The following TMEM161B variants were observed in gnomAD, a reference collection of about 807,000 sequenced individuals.
TMEM161B encodes transmembrane protein 161B.
In TMEM161B, 34 loss-of-function variants were observed where a neutral mutation model predicts 61.8. The ratio of observed to expected loss-of-function variants is 0.55; its 90% CI spans 0.42 to 0.73. The LOEUF is 0.73. Ranked by LOEUF, TMEM161B falls within the 30% of genes least tolerant of loss-of-function variation. The probability of loss-of-function intolerance (pLI) is 0.00; values close to 1 mark genes in which losing one functional copy is unlikely to be tolerated. For synonymous variants in TMEM161B, 167 were observed against 192.8 expected, an observed-to-expected ratio of 0.87 and a Z score of 1.11; for missense variants, 456 against 558.5, an observed-to-expected ratio of 0.82 and a Z score of 1.85.
chr5:88,260,160 G>A (rs1755508611), intron 1 of TMEM161B, among the ~76,000 whole-genome samples: 1 of 152,174 alleles, frequency 6.6e-6, no homozygotes, highest in Non-Finnish European at 1.5e-5. Context: ...TATCGTTATT[G>A]AGGAAAAGTA....
At chr5:88,236,432 GAA>G (rs1156301291) in intron 2 of TMEM161B, among the ~76,000 whole-genome samples, 2 of 152,070 alleles carry the variant, frequency 1.3e-5, no homozygotes, top group Non-Finnish European at 2.9e-5. Context: ...ACCTCTCCAA[GAA>G]AAGAGGGGCC....
chr5:88,218,953 A>G (rs1336314757), intron 5 of TMEM161B, among the ~76,000 whole-genome samples: 1 of 119,924 alleles, frequency 8.3e-6, no homozygotes, highest in Non-Finnish European at 2.0e-5. Context: ...GCAGACATAG[A>G]ATATCTTTAA....
At chr5:88,207,449 A>G (rs990470484) in intron 5 of TMEM161B, among the ~76,000 whole-genome samples, 1 of 152,208 alleles carries the variant, frequency 6.6e-6, no homozygotes, top group African/African-American at 2.4e-5. Context: ...GCCAGGGTAG[A>G]GGTTATTCTA....
At chr5:88,188,642 A>G (rs1005882577), downstream of TMEM161B, among the ~76,000 whole-genome samples, 15 of 152,202 alleles carry the variant, frequency 9.9e-5, no homozygotes, top group African/African-American at 3.6e-4. Flanking sequence ...AGCCGCAGAG[A>G]AAACTCCTCA....
chr5:88,187,168 G>A (rs1022776008), downstream of TMEM161B, among the ~76,000 whole-genome samples: 2 of 152,190 alleles, frequency 1.3e-5, no homozygotes, highest in African/African-American at 4.8e-5. Flanking sequence ...AATTAAATGA[G>A]TGTGTAAGTA....
intron 6 of TMEM161B, 133 bp downstream of exon 6, chr5:88,206,896 T>G: frequency 1.4e-6 from 1 of 721,114 alleles, no homozygotes; most frequent in Non-Finnish European, 2.1e-6. Flanking sequence ...GGTTAATTAT[T>G]TTGAACATTA....
At chr5:88,216,856 TAGTA>T (rs1252522053) in intron 5 of TMEM161B, among the ~76,000 whole-genome samples, 40 of 152,094 alleles carry the variant, frequency 2.6e-4, no homozygotes, top group Non-Finnish European at 1.6e-4. Context: ...AGACAACAAT[TAGTA>T]AGTAAGTAAA....
intron 4 of TMEM161B, among the ~76,000 whole-genome samples, chr5:88,224,971 T>G (rs552230603): frequency 2.4e-4 from 34 of 142,190 alleles, no homozygotes; most frequent in Non-Finnish European, 3.4e-4. Context: ...TTTTGTTTTT[T>G]TTTTTTTTTT....
downstream of TMEM161B, among the ~76,000 whole-genome samples, chr5:88,193,332 T>C (rs1749153486): frequency 2.0e-5 from 3 of 152,140 alleles, no homozygotes; most frequent in African/African-American, 7.2e-5. Flanking sequence ...ACTTTATATA[T>C]GCTTTGAAGC....
intron 5 of TMEM161B, among the ~76,000 whole-genome samples, chr5:88,220,264 T>C (rs978784060): frequency 6.6e-6 from 1 of 151,982 alleles, no homozygotes; most frequent in African/African-American, 2.4e-5. Flanking sequence ...ATAGTAACAT[T>C]ATCACAAAAT....
chr5:88,193,563 G>C (rs1228118274), downstream of TMEM161B, among the ~76,000 whole-genome samples: 1 of 152,050 alleles, frequency 6.6e-6, no homozygotes, highest in Non-Finnish European at 1.5e-5. Flanking sequence ...AAAATACTTG[G>C]TTTGCTCAAG....
In TMEM161B at chr5:88,245,064, T is replaced by C. The variant is rs116241498; in HGVS notation, c.4-4148A>G. Among the ~76,000 whole-genome samples the C allele has an allele frequency of 4.6e-3, 701 of 151,992 alleles. 11 individuals are homozygous for C. Among genetic ancestry groups the C allele is most frequent in the African/African-American group, 0.016 (675 of 41,522 alleles). Reference sequence around the variant, plus strand: ...CACAGACTGTGGGGTTTTCTAGATATGGAATCATGTCATTTGCAAACGGGA... The same window carrying C: ...CACAGACTGTGGGGTTTTCTAGATACGGAATCATGTCATTTGCAAACGGGA... On this transcript the variant is annotated intron_variant, in intron 1 of 11. Transcript: ENST00000296595.
chr5:88,196,398 G>A lies in TMEM161B; in HGVS notation c.1277C>T (p.Pro426Leu), dbSNP rs749551386. Residue 426 changes from proline (P) to leucine (L), a missense_variant, in exon 12 of 12, where the codon CCA (proline) becomes CTA (leucine). Physicochemically the swap from Pro to Leu is moderately conservative, Grantham distance 98. Transcript: ENST00000296595. ...TACCTTCATTTTCCCTTCAGCTGAT[G>A]GTAATTCAGAGTAAACAGAATTGGA... ...LLSNSVYSEL[P>L]SAEGKMKVTV... The A allele has an allele frequency of 1.2e-6, 2 of 1,613,288 alleles. No homozygotes were observed. Among genetic ancestry groups the A allele is most frequent in the Non-Finnish European group, 1.7e-6 (2 of 1,179,520 alleles).
At chr5:88,205,419 T>A (rs1193868473) in intron 8 of TMEM161B, among the ~76,000 whole-genome samples, 3 of 152,060 alleles carry the variant, frequency 2.0e-5, no homozygotes, top group African/African-American at 7.2e-5. Context: ...AAATTTTACA[T>A]TAAAAAGTTA....
chr5:88,234,651 G>C (rs1751554003), intron 2 of TMEM161B, among the ~76,000 whole-genome samples: 3 of 152,018 alleles, frequency 2.0e-5, no homozygotes, highest in Admixed American at 2.0e-4. Context: ...TTCTAATATG[G>C]GCTTGGAAGA....
downstream of TMEM161B, among the ~76,000 whole-genome samples, chr5:88,190,762 G>A (rs898876086): frequency 2.0e-5 from 3 of 152,112 alleles, no homozygotes; most frequent in African/African-American, 7.2e-5. Context: ...TGATATAGTT[G>A]CATTCATTTC....
At chr5:88,240,164 G>A (rs969782391) in intron 2 of TMEM161B, among the ~76,000 whole-genome samples, 1 of 151,670 alleles carries the variant, frequency 6.6e-6, no homozygotes, top group Non-Finnish European at 1.5e-5. Flanking sequence ...TGAGCCTATG[G>A]TGTAGTAGAC....
intron 8 of TMEM161B, 151 bp downstream of exon 8, chr5:88,205,663 A>T (rs984299815): frequency 2.9e-5 from 24 of 813,846 alleles, no homozygotes; most frequent in Non-Finnish European, 1.3e-5. Flanking sequence ...AATAAAAGAA[A>T]CTTGCTTATA....
intron 2 of TMEM161B, among the ~76,000 whole-genome samples, chr5:88,233,243 C>T (rs944276673): frequency 3.9e-5 from 6 of 152,096 alleles, no homozygotes; most frequent in African/African-American, 1.4e-4. Flanking sequence ...AATAAATTGT[C>T]ATACCACATG....
Sources: gnomAD v4.1 joint callset for allele counts (sites outside exome capture counted in the v4.1 genomes callset) on GRCh38, gnomAD v4.1.1 for gene constraint, MANE v1.5 for transcripts, NCBI Gene and HGNC (gene_info 2026-07-23, HGNC 2026-07-21) for gene names.